POU2F1: variants seen among roughly 807,000 people sequenced by gnomAD.
POU2F1 encodes the protein POU class 2 homeobox 1.
POU2F1 carries 16 observed loss-of-function variants against 84.9 expected under a neutral mutation model. That is an observed-to-expected ratio of 0.19 (90% CI 0.13 to 0.29). The LOEUF (loss-of-function observed/expected upper bound fraction) is 0.29. POU2F1 is among the 10% of genes least tolerant of loss of function. POU2F1 has a pLI of 1.00. For missense variants in POU2F1, 738 were observed against 942.6 expected (o/e 0.78, Z 2.84); for synonymous variants, 368 against 368.3 (o/e 1.00, Z 0.01).
At chr1:167,299,886 A>G (rs887204398) in intron 1 of POU2F1, among the ~76,000 whole-genome samples, 1 of 152,154 alleles carries the variant, frequency 6.6e-6, no homozygotes, top group Non-Finnish European at 1.5e-5. Context: ...CTGATACAGT[A>G]GGTGTGAGGT....
intron 1 of POU2F1, among the ~76,000 whole-genome samples, chr1:167,293,568 A>G (rs1654074532): frequency 6.6e-6 from 1 of 152,206 alleles, no homozygotes. Context: ...TCCCTATCAA[A>G]ATACCAACAT....
At chr1:167,227,582 C>CT (rs1203264821) in intron 1 of POU2F1, among the ~76,000 whole-genome samples, 3 of 152,136 alleles carry the variant, frequency 2.0e-5, no homozygotes, top group African/African-American at 7.2e-5. Context: ...AAAATACAGC[C>CT]TTTTTTGGCT....
intron 13 of POU2F1, among the ~76,000 whole-genome samples, chr1:167,405,487 G>A (rs1477995472): frequency 6.6e-6 from 1 of 151,718 alleles, no homozygotes; most frequent in African/African-American, 2.4e-5. Flanking sequence ...AAACCTGCCT[G>A]GGCAACATAG....
Position 167,425,112 on chromosome 1 carries a change from C to T in POU2F1, c.*9302C>T, listed in dbSNP as rs1322483827. 1 of 152,058 alleles carries T rather than the reference C, an allele frequency of 6.6e-6. No individual in the cohort carries two copies. The highest frequency in any genetic ancestry group is 1.9e-4 in the East Asian group (1 of 5,196). The allele number at this position is 152,058 out of a possible 1,614,324, so 9.4% of individuals were successfully genotyped here. On this transcript the variant is annotated 3_prime_UTR_variant, in exon 16 of 16. Transcript: ENST00000367866. The stretch of plus-strand genomic sequence containing the variant: ...CTCTCTAGAAGCTGCATCCCCAGCC[C>T]TTTCACCTTTTCTTTGAATGTAGTT...
intron 9 of POU2F1, among the ~76,000 whole-genome samples, chr1:167,390,554 G>GT (rs773327532): frequency 6.6e-6 from 1 of 152,228 alleles, no homozygotes; most frequent in Non-Finnish European, 1.5e-5. Flanking sequence ...GGAGACTGAG[G>GT]TGGGAGGATT....
intron 1 of POU2F1, among the ~76,000 whole-genome samples, chr1:167,222,317 C>T (rs1648291410): frequency 6.6e-6 from 1 of 152,292 alleles, no homozygotes; most frequent in East Asian, 1.9e-4. Flanking sequence ...AACCTCTTCT[C>T]ATTTGAATAA....
chr1:167,263,079 G>A (rs370802744), intron 1 of POU2F1, among the ~76,000 whole-genome samples: 18 of 152,236 alleles, frequency 1.2e-4, no homozygotes, highest in African/African-American at 3.6e-4. Flanking sequence ...GAAAATGAAA[G>A]TGTTTTCCAT....
intron 9 of POU2F1, among the ~76,000 whole-genome samples, chr1:167,392,101 G>A (rs929519519): frequency 2.6e-5 from 4 of 152,132 alleles, no homozygotes; most frequent in Non-Finnish European, 5.9e-5. Context: ...TGTAATCCCA[G>A]CACTTTGGGA....
At chr1:167,287,155 A>G (rs770689267) in intron 1 of POU2F1, among the ~76,000 whole-genome samples, 1 of 152,218 alleles carries the variant, frequency 6.6e-6, no homozygotes, top group African/African-American at 2.4e-5. Context: ...CCCACCAGCA[A>G]AGTATACTGA....
intron 2 of POU2F1, among the ~76,000 whole-genome samples, chr1:167,352,028 T>A (rs1174145231): frequency 6.6e-6 from 1 of 152,234 alleles, no homozygotes; most frequent in Non-Finnish European, 1.5e-5. Context: ...AGTGTGTCTC[T>A]TTTAAGAGAC....
chr1:167,409,337 A>G (rs1206914491), intron 13 of POU2F1, among the ~76,000 whole-genome samples: 1 of 152,320 alleles, frequency 6.6e-6, no homozygotes, highest in African/African-American at 2.4e-5. Context: ...GCCAGGTACT[A>G]TATACACACC....
At chr1:167,236,517 G>A (rs1380636301) in intron 1 of POU2F1, among the ~76,000 whole-genome samples, 2 of 152,112 alleles carry the variant, frequency 1.3e-5, no homozygotes, top group East Asian at 1.9e-4. Context: ...TGTTTTGGCC[G>A]TTTCAGAATA....
chr1:167,333,852 A>T (rs941116917), intron 2 of POU2F1, among the ~76,000 whole-genome samples: 1 of 152,098 alleles, frequency 6.6e-6, no homozygotes, highest in East Asian at 1.9e-4. Context: ...ACTGGTTCCT[A>T]TGCCAGTGCC....
intron 1 of POU2F1, among the ~76,000 whole-genome samples, chr1:167,255,288 A>G (rs1651048839): frequency 6.6e-6 from 1 of 152,226 alleles, no homozygotes; most frequent in Non-Finnish European, 1.5e-5. Context: ...TCCTAAGAAT[A>G]GAAATGCCTA....
chr1:167,252,010 A>G (rs1276496296), intron 1 of POU2F1, among the ~76,000 whole-genome samples: 1 of 134,014 alleles, frequency 7.5e-6, no homozygotes, highest in Non-Finnish European at 1.6e-5. Flanking sequence ...ATGCTTGGCT[A>G]ATTTTGTATA....
At chr1:167,250,103 T>C (rs1650611109) in intron 1 of POU2F1, among the ~76,000 whole-genome samples, 1 of 152,218 alleles carries the variant, frequency 6.6e-6, no homozygotes, top group African/African-American at 2.4e-5. Flanking sequence ...TCAGTATATT[T>C]TCTAACATAA....
chr1:167,352,049 T>C (rs1485972249), intron 2 of POU2F1, among the ~76,000 whole-genome samples: 3 of 152,206 alleles, frequency 2.0e-5, no homozygotes, highest in Non-Finnish European at 2.9e-5. Context: ...TGGAGACTGA[T>C]TGCTTTGGAG....
At chr1:167,321,685 T>C (rs796261292) in intron 1 of POU2F1, among the ~76,000 whole-genome samples, 1 of 152,314 alleles carries the variant, frequency 6.6e-6, no homozygotes, top group African/African-American at 2.4e-5. Context: ...TTTAAACATA[T>C]AGGTTCTGGA....
chr1:167,390,804 T>G (rs1453577718), intron 9 of POU2F1, among the ~76,000 whole-genome samples: 1 of 151,918 alleles, frequency 6.6e-6, no homozygotes, highest in African/African-American at 2.4e-5. Context: ...AAGTAAAAAT[T>G]AATAAAAATT....
Sources: gnomAD v4.1 joint callset for allele counts (sites outside exome capture counted in the v4.1 genomes callset) on GRCh38, gnomAD v4.1.1 for gene constraint, MANE v1.5 for transcripts, NCBI Gene and HGNC (gene_info 2026-07-23, HGNC 2026-07-21) for gene names.